NRG3: variants seen among roughly 807,000 people sequenced by gnomAD.
The protein encoded by NRG3 is neuregulin 3.
NRG3 carries 31 observed loss-of-function variants against 66.9 expected under a neutral mutation model. The observed-to-expected ratio is 0.46, with a 90% CI of 0.35 to 0.63. The LOEUF (loss-of-function observed/expected upper bound fraction) is 0.63, where lower values mean the gene tolerates loss of function less well. Ranked by LOEUF, NRG3 falls within the 20% of genes least tolerant of loss-of-function variation. The pLI is 0.00. For synonymous variants in NRG3, 393 were observed against 359.4 expected (o/e 1.09, Z -1.06); for missense variants, 910 against 878.9 (o/e 1.04, Z -0.45).
rs147125328 is a variant in NRG3, at chr10:82,094,051, G to A, written c.823+217888G>A. On this transcript the variant is annotated intron_variant, in intron 1 of 8. Transcript: ENST00000372141. Reference sequence around the variant, plus strand: ...ATGTAAATTACGACACAAATGTAAGGTATTATTATACTCACATTTATTGAC... The same window carrying A: ...ATGTAAATTACGACACAAATGTAAGATATTATTATACTCACATTTATTGAC... Among the ~76,000 whole-genome samples the A allele has an allele frequency of 4.4e-3, 667 of 152,138 alleles. 2 individuals carry two copies. The highest frequency in any genetic ancestry group is 6.8e-3 in the Middle Eastern group (2 of 294).
At chr10:82,313,206 G>A (rs190347877) in intron 1 of NRG3, among the ~76,000 whole-genome samples, 1 of 152,072 alleles carries the variant, frequency 6.6e-6, no homozygotes, top group African/African-American at 2.4e-5. Context: ...GCATGGTGGT[G>A]TGTGCTGGTA....
chr10:82,949,654 A>C (rs1277797885), intron 4 of NRG3, among the ~76,000 whole-genome samples: 1 of 152,088 alleles, frequency 6.6e-6, no homozygotes, highest in Admixed American at 6.6e-5. Flanking sequence ...CAGGAGTTCG[A>C]GACCAGTCTG....
intron 2 of NRG3, among the ~76,000 whole-genome samples, chr10:82,439,004 TACTTTCTGTACATTA>T (rs1311068562): frequency 1.3e-5 from 2 of 152,134 alleles, no homozygotes; most frequent in African/African-American, 4.8e-5. Context: ...CCTAAATTAT[TACTTTCTGTACATTA>T]ACTTCTACTA....
intron 1 of NRG3, among the ~76,000 whole-genome samples, chr10:81,946,592 G>A (rs563497055): frequency 1.3e-5 from 2 of 152,214 alleles, no homozygotes; most frequent in South Asian, 4.1e-4. Context: ...TCTGTAATCT[G>A]ATTATAAGAA....
At chr10:82,380,460 A>C (rs190034022) in intron 2 of NRG3, among the ~76,000 whole-genome samples, 1 of 152,300 alleles carries the variant, frequency 6.6e-6, no homozygotes, top group Admixed American at 6.5e-5. Context: ...GAGTATTTTA[A>C]GAAGAAGGAG....
At position 81,961,485 on chromosome 10, in the gene NRG3, GAACTAAT is replaced by G. The variant is rs1850357872; in HGVS notation, c.823+85323_823+85329del. 0.042 allele frequency among the ~76,000 whole-genome samples: 4 copies of G among 96 alleles called. No homozygotes were observed. The South Asian group carries it at 0.5, about 12-fold the overall frequency. 0.1% of individuals were successfully genotyped at this position (96 alleles called of 152,430 possible). A position where few individuals can be genotyped will look rare whatever the true frequency, so the allele number is the denominator to read the frequency against. ...TTGTTTGCTGAATAAAGGAATTAAT[GAACTAAT>G]GAACTAATGAACTAATACTACTTTG... On this transcript the variant is annotated intron_variant, in intron 1 of 8. Transcript: ENST00000372141.
chr10:82,893,885 C>A (rs1368913885), intron 4 of NRG3, among the ~76,000 whole-genome samples: 4 of 151,684 alleles, frequency 2.6e-5, no homozygotes. Flanking sequence ...ACAGAAGTAA[C>A]TGATAAAGAA....
intron 6 of NRG3, among the ~76,000 whole-genome samples, chr10:82,968,458 CAT>C (rs1464141040): frequency 1.3e-5 from 2 of 152,114 alleles, no homozygotes; most frequent in East Asian, 3.8e-4. Context: ...ATAATTCAAA[CAT>C]ATGAAATAAC....
At chr10:82,078,081 CTCTG>C (rs748044914) in intron 1 of NRG3, among the ~76,000 whole-genome samples, 3 of 152,060 alleles carry the variant, frequency 2.0e-5, no homozygotes, top group Non-Finnish European at 2.9e-5. Context: ...TTCTCTCTGT[CTCTG>C]TCTCTCTAAA....
At chr10:82,136,852 A>G (rs1039107963) in intron 1 of NRG3, among the ~76,000 whole-genome samples, 3 of 152,172 alleles carry the variant, frequency 2.0e-5, no homozygotes, top group Non-Finnish European at 1.5e-5. Flanking sequence ...AGACAGCATC[A>G]AGTTCTAATG....
chr10:81,964,915 C>T (rs1363122251), intron 1 of NRG3, among the ~76,000 whole-genome samples: 1 of 151,978 alleles, frequency 6.6e-6, no homozygotes, highest in East Asian at 1.9e-4. Context: ...ATTATGGATA[C>T]CATAGAAGTG....
intron 1 of NRG3, among the ~76,000 whole-genome samples, chr10:82,252,847 G>A (rs1190406035): frequency 6.6e-6 from 1 of 152,052 alleles, no homozygotes; most frequent in Non-Finnish European, 1.5e-5. Context: ...TTCACACCTG[G>A]CTGTATTACT....
At chr10:82,731,226 G>C (rs185428136) in intron 2 of NRG3, among the ~76,000 whole-genome samples, 1 of 151,928 alleles carries the variant, frequency 6.6e-6, no homozygotes, top group Admixed American at 6.6e-5. Flanking sequence ...ACTTAGCCAG[G>C]CATGGTGGCA....
intron 3 of NRG3, among the ~76,000 whole-genome samples, chr10:82,835,265 C>A (rs556321615): frequency 1.3e-5 from 2 of 152,252 alleles, no homozygotes; most frequent in Non-Finnish European, 2.9e-5. Flanking sequence ...ATAATGGCCA[C>A]ACTCCAGGGC....
intron 8 of NRG3, chr10:82,984,822 G>A: frequency 6.5e-7 from 1 of 1,545,962 alleles, no homozygotes; most frequent in Non-Finnish European, 8.8e-7. Context: ...TGCCTATACA[G>A]CTGTGGTGTG....
chr10:82,485,399 CACCAAGT>C (rs1842603619), intron 2 of NRG3, among the ~76,000 whole-genome samples: 1 of 150,682 alleles, frequency 6.6e-6, no homozygotes, highest in Non-Finnish European at 1.5e-5. Flanking sequence ...TAGATTTTAG[CACCAAGT>C]ACCAAGAAAG....
At chr10:82,535,026 G>A (rs762472934) in intron 2 of NRG3, among the ~76,000 whole-genome samples, 23 of 150,858 alleles carry the variant, frequency 1.5e-4, no homozygotes, top group Non-Finnish European at 2.7e-4. Context: ...ATGGTGGTGC[G>A]CCTCTGTAAT....
At chr10:82,307,265 A>G (rs988815601) in intron 1 of NRG3, among the ~76,000 whole-genome samples, 13 of 152,236 alleles carry the variant, frequency 8.5e-5, no homozygotes, top group South Asian at 2.1e-4. Context: ...TCTTTTCCAT[A>G]TTTTTAAGTC....
chr10:82,591,716 C>T (rs891507723), intron 2 of NRG3, among the ~76,000 whole-genome samples: 3 of 152,182 alleles, frequency 2.0e-5, no homozygotes, highest in African/African-American at 7.2e-5. Context: ...GTACAACTCA[C>T]AAAAACCTTC....
Sources: allele counts gnomAD v4.1 joint callset (sites outside exome capture counted in the v4.1 genomes callset), GRCh38; gene constraint gnomAD v4.1.1; transcripts MANE v1.5; gene names NCBI Gene and HGNC (gene_info 2026-07-23, HGNC 2026-07-21).